Variants in JMJD6 observed in about 807,000 individuals in gnomAD.
The protein encoded by JMJD6 is bifunctional arginine demethylase and lysyl-hydroxylase JMJD6.
In JMJD6, 17 loss-of-function variants were observed where a neutral mutation model predicts 45.8. The observed-to-expected ratio is 0.37, with a 90% CI of 0.25 to 0.56. The LOEUF is 0.56. Among genes scored for constraint, JMJD6 ranks in the 20% least tolerant of loss-of-function variants. The pLI is 0.79. For missense variants in JMJD6, 470 were observed against 517.5 expected (o/e 0.91, Z 0.89); for synonymous variants, 221 against 196.3 (o/e 1.13, Z -1.05).
At chr17:76,723,677 G>C in intron 3 of JMJD6, 95 bp downstream of exon 3, 1 of 1,172,280 alleles carries the variant, frequency 8.5e-7, no homozygotes. Context: ...TCCTGACCTC[G>C]TGATCTGCCC....
exon 7 of JMJD6, chr17:76,713,301 T>C (rs1243260470): frequency 6.6e-6 from 1 of 152,312 alleles, no homozygotes; most frequent in Admixed American, 6.5e-5. Flanking sequence ...TTTCACCGTG[T>C]TGGCCAGGCT....
downstream of JMJD6, among the ~76,000 whole-genome samples, chr17:76,718,198 G>A (rs2076781571): frequency 6.8e-6 from 1 of 147,364 alleles, no homozygotes; most frequent in South Asian, 2.2e-4. Flanking sequence ...ACAAATCAGA[G>A]TTTTCTGCTG....
intron 5 of JMJD6, 123 bp downstream of exon 5, chr17:76,720,237 G>C (rs2076806107): frequency 1.1e-6 from 1 of 895,948 alleles, no homozygotes; most frequent in Non-Finnish European, 1.8e-6. Context: ...GTAACCCTTA[G>C]AACAACGTGG....
chr17:76,723,852 C>A lies in JMJD6; in HGVS notation c.725G>T (p.Arg242Leu), dbSNP rs541473621. The A allele has an allele frequency of 6.2e-7, 1 of 1,614,070 alleles. No individual in the cohort carries two copies. The highest frequency in any genetic ancestry group is 1.7e-5 in the Admixed American group (1 of 60,006). ...AITWFNVIYP[R>L]TQLPTWPPEF... Reference sequence around the variant, plus strand: ...AGGTGGCCAGGTTGGAAGCTGTGTCCGGGGATAAATAACATTAAACCAGGT... The same window carrying A: ...AGGTGGCCAGGTTGGAAGCTGTGTCAGGGGATAAATAACATTAAACCAGGT... The change falls in exon 3 of 6, where the codon CGG (arginine) becomes CTG (leucine). Residue 242 changes from arginine to leucine, a missense_variant. By Grantham distance (102) the Arg-to-Leu change is moderately radical. Coordinates refer to ENST00000397625, the MANE Select transcript of JMJD6 (RefSeq NM_015167.3).
chr17:76,715,511 G>A (rs1307745188), downstream of JMJD6: 1 of 152,246 alleles, frequency 6.6e-6, no homozygotes, highest in Non-Finnish European at 1.5e-5. Flanking sequence ...GCAGAGACCT[G>A]TATTTTCCTG....
intron 4 of JMJD6, chr17:76,721,263 C>A: frequency 2.4e-6 from 1 of 419,440 alleles, no homozygotes; most frequent in Non-Finnish European, 5.0e-6. Context: ...CCTCTCTTAC[C>A]CCGAGAGCTG....
chr17:76,725,797 T>C lies in JMJD6; in HGVS notation c.188A>G (p.Tyr63Cys), dbSNP rs370497426. 1 of 1,613,838 alleles carries C rather than the reference T, an allele frequency of 6.2e-7. No homozygotes were observed. The highest frequency in any genetic ancestry group is 1.1e-5 in the South Asian group (1 of 91,076). ...AACCACGGGCTTGTAAGGTCTTTCATACCGCTCCACAAATTCTTCCACAGA... is the reference window on the plus strand; with the variant it reads ...AACCACGGGCTTGTAAGGTCTTTCACACCGCTCCACAAATTCTTCCACAGA... ...QLSVEEFVER[Y>C]ERPYKPVVLL... Residue 63 changes from tyrosine (Y) to cysteine (C), a missense_variant, in exon 2 of 6, where the codon TAT becomes TGT. Physicochemically the swap from Tyr to Cys is radical, Grantham distance 194. This residue lies in a region of JMJD6 where 346 missense variants were observed against 339.5 expected (regional missense o/e 1.02). Transcript: ENST00000397625.
intron 2 of JMJD6, among the ~76,000 whole-genome samples, chr17:76,725,229 T>C (rs903022322): frequency 1.3e-5 from 2 of 151,850 alleles, no homozygotes; most frequent in Admixed American, 6.6e-5. Context: ...ACCAACATGG[T>C]GAAACCCCGT....
At chr17:76,716,317 C>G (rs1190138851), downstream of JMJD6, 1 of 224,840 alleles carries the variant, frequency 4.4e-6, no homozygotes, top group South Asian at 6.5e-5. Flanking sequence ...TGGTACACAG[C>G]TGGCTCTGTG....
downstream of JMJD6, among the ~76,000 whole-genome samples, chr17:76,718,117 C>T (rs1428605642): frequency 1.4e-5 from 2 of 145,658 alleles, no homozygotes; most frequent in Non-Finnish European, 3.0e-5. Context: ...GAGCCATGAT[C>T]ACGCCACTGC....
At chr17:76,718,160 CAAAAAA>C (rs11335765), downstream of JMJD6, among the ~76,000 whole-genome samples, 1 of 65,890 alleles carries the variant, frequency 1.5e-5, no homozygotes, top group Non-Finnish European at 3.0e-5. Context: ...GACCCTGTCT[CAAAAAA>C]AAAAAAAAAA....
intron 3 of JMJD6, 28 bp from the exon 4 acceptor site, chr17:76,721,961 CA>C: frequency 6.2e-7 from 1 of 1,612,854 alleles, no homozygotes; most frequent in Middle Eastern, 1.7e-4. Context: ...AACAGTTAAA[CA>C]AGGTTTGATC....
downstream of JMJD6, chr17:76,714,858 A>G (rs2076753259): frequency 1.3e-5 from 2 of 152,258 alleles, no homozygotes; most frequent in Non-Finnish European, 2.9e-5. Flanking sequence ...TATGTTGCCC[A>G]GACTGGTCTT....
intron 3 of JMJD6, 61 bp downstream of exon 3, chr17:76,723,711 G>C: frequency 6.6e-7 from 1 of 1,517,424 alleles, no homozygotes; most frequent in East Asian, 2.3e-5. Flanking sequence ...AAAGTGCTGG[G>C]ATTACAGGCA....
chr17:76,716,846 C>A, downstream of JMJD6: 2 of 849,612 alleles, frequency 2.4e-6, no homozygotes, highest in South Asian at 2.9e-5. Context: ...AGGGCTTTCT[C>A]CAGAGTTTTC....
chr17:76,717,078 G>A (rs910146444), downstream of JMJD6, among the ~76,000 whole-genome samples: 4 of 152,100 alleles, frequency 2.6e-5, no homozygotes, highest in African/African-American at 9.7e-5. Flanking sequence ...CGCGATAGGA[G>A]GGCTGCGGGT....
At chr17:76,720,283 G>T in intron 5 of JMJD6, 77 bp downstream of exon 5, 1 of 1,321,000 alleles carries the variant, frequency 7.6e-7, no homozygotes. Flanking sequence ...ATAGGAGGAG[G>T]AAGAGTCACA....
chr17:76,724,306 G>T, intron 2 of JMJD6, among the ~76,000 whole-genome samples: 1 of 151,740 alleles, frequency 6.6e-6, no homozygotes, highest in Non-Finnish European at 1.5e-5. Context: ...ATTTTTAGTA[G>T]AGACAGGGTT....
intron 5 of JMJD6, among the ~76,000 whole-genome samples, chr17:76,719,748 T>C (rs1482889061): frequency 2.6e-5 from 4 of 152,346 alleles, no homozygotes; most frequent in East Asian, 3.9e-4. Context: ...AAGGATGAGT[T>C]TGAAATCTGA....
Sources: allele counts gnomAD v4.1 joint callset (sites outside exome capture counted in the v4.1 genomes callset), GRCh38; gene constraint gnomAD v4.1.1; regional missense constraint gnomAD v4.1.1; transcripts MANE v1.5; gene names NCBI Gene and HGNC (gene_info 2026-07-23, HGNC 2026-07-21).